Variants in AGAP1 observed in about 807,000 individuals in gnomAD.
AGAP1 encodes the protein ArfGAP with GTPase domain, ankyrin repeat and PH domain 1.
Under a neutral mutation model 105.3 loss-of-function variants are expected in AGAP1, and 29 were observed. The observed-to-expected ratio is 0.28, with a 90% CI of 0.21 to 0.38. The LOEUF (loss-of-function observed/expected upper bound fraction) is 0.38, where lower values mean the gene tolerates loss of function less well. AGAP1 is among the 10% of genes least tolerant of loss of function. The pLI, the probability that AGAP1 is intolerant of heterozygous loss-of-function variation, is 1.00. For synonymous variants in AGAP1, 509 were observed against 485.9 expected (o/e 1.05, Z -0.63); for missense variants, 998 against 1,165.1 (o/e 0.86, Z 2.09).
At chr2:235,880,615 CTGTAA>C (rs2049971026) in intron 9 of AGAP1, among the ~76,000 whole-genome samples, 1 of 152,008 alleles carries the variant, frequency 6.6e-6, no homozygotes, top group African/African-American at 2.4e-5. Flanking sequence ...TGGCATTTGC[CTGTAA>C]TCCCAGCTAC....
chr2:235,533,696 G>A (rs1356804177), intron 1 of AGAP1, among the ~76,000 whole-genome samples: 7 of 152,172 alleles, frequency 4.6e-5, no homozygotes, highest in Non-Finnish European at 8.8e-5. Context: ...AAATAGCACT[G>A]GGAGGCCAGC....
At position 235,982,853 on chromosome 2, in the gene AGAP1, C is replaced by A. The variant is rs1160746621; in HGVS notation, c.1645+14230C>A. ...GTTACCTTCTGTTTCTGATTGCCAG[C>A]TCATCAGCTTAGTTTGCCCAGGAGA... On this transcript the variant is annotated intron_variant, in intron 13 of 17. Transcript: ENST00000304032. The surrounding 1 kb of genome is among the most constrained non-coding windows in gnomAD (Gnocchi z 4.9). Among the ~76,000 whole-genome samples, 1 of 152,218 alleles carries A rather than the reference C, an allele frequency of 6.6e-6. No individual in the cohort carries two copies. The highest frequency in any genetic ancestry group is 6.5e-5 in the Admixed American group (1 of 15,284).
chr2:235,706,772 A>G (rs73124487), intron 1 of AGAP1, among the ~76,000 whole-genome samples: 11,629 of 152,258 alleles, frequency 0.076, 1,459 homozygotes, highest in African/African-American at 0.26. Flanking sequence ...CTGAGAAGCC[A>G]GACACTATTG....
chr2:235,667,069 A>G (rs917961039), intron 1 of AGAP1, among the ~76,000 whole-genome samples: 17 of 152,028 alleles, frequency 1.1e-4, no homozygotes, highest in African/African-American at 4.1e-4. Flanking sequence ...AAAATTTTAG[A>G]CTTTTGCCAT....
intron 1 of AGAP1, among the ~76,000 whole-genome samples, chr2:235,616,267 A>G (rs1178743842): frequency 1.3e-5 from 2 of 152,010 alleles, no homozygotes; most frequent in Non-Finnish European, 2.9e-5. Context: ...AGGCTGAGGC[A>G]GGAGAATCAC....
At chr2:235,521,186 G>T (rs900319710) in intron 1 of AGAP1, among the ~76,000 whole-genome samples, 1 of 151,888 alleles carries the variant, frequency 6.6e-6, no homozygotes, top group East Asian at 1.9e-4. Flanking sequence ...TCCTCTTTAG[G>T]GTGTATCTCA....
chr2:235,884,744 G>A (rs1005251014), intron 10 of AGAP1, among the ~76,000 whole-genome samples: 4 of 152,238 alleles, frequency 2.6e-5, no homozygotes, highest in South Asian at 2.1e-4. Flanking sequence ...TTGAGCCACC[G>A]CGCCTGGCCT....
chr2:235,670,544 C>T (rs1241994612), intron 1 of AGAP1: 2 of 484,256 alleles, frequency 4.1e-6, no homozygotes, highest in East Asian at 3.6e-5. Context: ...GGCCGCGCCC[C>T]TGCGGCGGAG....
At chr2:235,902,907 C>T (rs1248204452) in intron 10 of AGAP1, among the ~76,000 whole-genome samples, 1 of 152,104 alleles carries the variant, frequency 6.6e-6, no homozygotes, top group Non-Finnish European at 1.5e-5. Context: ...TAAGTGTATT[C>T]AGAGCATCTG....
chr2:235,682,819 T>TGTGTGTGTGTGTGTGTGTGTGTG (rs1559345184), intron 1 of AGAP1, among the ~76,000 whole-genome samples: 3 of 151,540 alleles, frequency 2.0e-5, no homozygotes, highest in African/African-American at 7.3e-5. Context: ...TGTGTGTGTG[T>TGTGTGTGTGTGTGTGTGTGTGTG]TTTCAGGCAG....
chr2:235,905,750 C>T lies in AGAP1; in HGVS notation c.1156-2988C>T, dbSNP rs1417551542. On this transcript the variant is annotated intron_variant, in intron 10 of 17. Transcript: ENST00000304032. The surrounding 1 kb of genome is among the most constrained non-coding windows in gnomAD (Gnocchi z 4.2). ...CTGACCTCAAGTGATCCACTCTCCTCGGCCTCCCAGAGTGCTGGGATTACA... is the reference window on the plus strand; with the variant it reads ...CTGACCTCAAGTGATCCACTCTCCTTGGCCTCCCAGAGTGCTGGGATTACA... 2.6e-5 allele frequency among the ~76,000 whole-genome samples: 4 copies of T among 152,324 alleles called. No individual in the cohort carries two copies. Among genetic ancestry groups the T allele is most frequent in the East Asian group, 1.9e-4 (1 of 5,178 alleles).
rs1205343021 is a variant in AGAP1, at chr2:236,119,587, G to A, written c.2115-605G>A. Among the ~76,000 whole-genome samples the A allele has an allele frequency of 2.6e-5, 3 of 114,178 alleles. No homozygotes were observed. The highest frequency in any genetic ancestry group is 3.7e-5 in the Non-Finnish European group (2 of 53,534). 74.9% of individuals were successfully genotyped at this position (114,178 alleles called of 152,430 possible). On this transcript the variant is annotated intron_variant, in intron 16 of 17. Transcript: ENST00000304032. This position sits in a 1 kb window ranked among gnomAD's most constrained non-coding sequence, Gnocchi z 6.6. ...CCGGCTGTCCCTTCCCCCCACCCCC[G>A]GCCCAGCTCCAGCCAAGTGTCCTAT...
At chr2:235,923,198 T>A (rs2052270594) in intron 11 of AGAP1, among the ~76,000 whole-genome samples, 1 of 152,080 alleles carries the variant, frequency 6.6e-6, no homozygotes, top group South Asian at 2.1e-4. Context: ...GCCGAAAAGG[T>A]CCTTTTATGA....
intron 9 of AGAP1, among the ~76,000 whole-genome samples, chr2:235,822,373 A>ACTGGAGAAGCCCAGGAGCGAGGAGGAG (rs1958837384): frequency 1.3e-5 from 2 of 152,010 alleles, no homozygotes; most frequent in East Asian, 1.9e-4. Context: ...GTGAGGAGGA[A>ACTGGAGAAGCCCAGGAGCGAGGAGGAG]CTGGAGAAGC....
Position 236,038,014 on chromosome 2 carries a change from A to G in AGAP1, c.1800+1299A>G, listed in dbSNP as rs765599707. ...GTCTTTCAGAAAGATGAAGTGTCTTATTTTATTACCCTCTTTAACCAGGGT... is the reference window on the plus strand; with the variant it reads ...GTCTTTCAGAAAGATGAAGTGTCTTGTTTTATTACCCTCTTTAACCAGGGT... On this transcript the variant is annotated intron_variant, in intron 14 of 17. Coordinates refer to ENST00000304032, the MANE Select transcript of AGAP1 (RefSeq NM_001037131.3). This position sits in a 1 kb window ranked among gnomAD's most constrained non-coding sequence, Gnocchi z 4.5. Among the ~76,000 whole-genome samples, 1 of 152,190 alleles carries G rather than the reference A, an allele frequency of 6.6e-6. No homozygotes were observed. Among genetic ancestry groups the G allele is most frequent in the Non-Finnish European group, 1.5e-5 (1 of 68,026 alleles).
In AGAP1 at chr2:235,634,024, C is replaced by T. The variant is rs765518924; in HGVS notation, c.164-75155C>T. 2.0e-5 allele frequency among the ~76,000 whole-genome samples: 3 copies of T among 152,104 alleles called. No individual in the cohort carries two copies. The South Asian group carries it at 6.2e-4, about 32-fold the overall frequency. On this transcript the variant is annotated intron_variant, in intron 1 of 17. Transcript: ENST00000304032. ...AAGTTGCAGCCCCCAGCAAGCCCCC[C>T]GCCGCAGAGTTGCAGCCTGGTGCCC...
In AGAP1 at chr2:235,566,024, T is replaced by G. The variant is rs576380528; in HGVS notation, c.163+71175T>G. Among the ~76,000 whole-genome samples the G allele has an allele frequency of 2.0e-5, 3 of 152,318 alleles. No individual in the cohort carries two copies. In the East Asian group the frequency reaches 5.8e-4, roughly 29 times the overall value. On this transcript the variant is annotated intron_variant, in intron 1 of 17. Transcript: ENST00000304032. This position sits in a 1 kb window ranked among gnomAD's most constrained non-coding sequence, Gnocchi z 5.2. ...TTATAGTGAGTACTTGTACACTGATTGCCAAGATTCTGTAAACAATATTTC... is the reference window on the plus strand; with the variant it reads ...TTATAGTGAGTACTTGTACACTGATGGCCAAGATTCTGTAAACAATATTTC...
chr2:235,906,056 C>G lies in AGAP1; in HGVS notation c.1156-2682C>G, dbSNP rs1454965886. On this transcript the variant is annotated intron_variant, in intron 10 of 17. Coordinates refer to ENST00000304032, the MANE Select transcript of AGAP1 (RefSeq NM_001037131.3). The surrounding 1 kb of genome is among the most constrained non-coding windows in gnomAD (Gnocchi z 5.3). ...GCCCAGATACCACCCTCCCGTTACCCGAACCCACCATGACAGCTTTCCTCC... is the reference window on the plus strand; with the variant it reads ...GCCCAGATACCACCCTCCCGTTACCGGAACCCACCATGACAGCTTTCCTCC... 1.3e-5 allele frequency among the ~76,000 whole-genome samples: 2 copies of G among 152,164 alleles called. No individual in the cohort carries two copies. Among genetic ancestry groups the G allele is most frequent in the Non-Finnish European group, 2.9e-5 (2 of 68,032 alleles).
At position 235,660,292 on chromosome 2, in the gene AGAP1, T is replaced by G. The variant is rs139780533; in HGVS notation, c.164-48887T>G. ...TGCGGGGTCACGGTGAGGGAGGCAC[T>G]GTGTGGAAGGGTAAATGGGCTTCCT... On this transcript the variant is annotated intron_variant, in intron 1 of 17. Coordinates refer to ENST00000304032, the MANE Select transcript of AGAP1 (RefSeq NM_001037131.3). This position sits in a 1 kb window ranked among gnomAD's most constrained non-coding sequence, Gnocchi z 5.3. 2.1e-3 allele frequency among the ~76,000 whole-genome samples: 327 copies of G among 152,242 alleles called. 1 individual carries two copies. Among genetic ancestry groups the G allele is most frequent in the African/African-American group, 7.3e-3 (303 of 41,562 alleles).
Sources: gnomAD v4.1 joint callset for allele counts (sites outside exome capture counted in the v4.1 genomes callset) on GRCh38, gnomAD v4.1.1 for gene constraint, Gnocchi (gnomAD v3.1) non-coding constraint, MANE v1.5 for transcripts, NCBI Gene and HGNC (gene_info 2026-07-23, HGNC 2026-07-21) for gene names.